PLEKHH2: variants seen among roughly 807,000 people sequenced by gnomAD.
PLEKHH2 encodes the protein pleckstrin homology, MyTH4 and FERM domain containing H2, also known as pleckstrin homology domain-containing family H member 2.
A neutral mutation model predicts 187.9 loss-of-function variants in PLEKHH2; 129 were observed. The ratio of observed to expected loss-of-function variants is 0.69; its 90% CI spans 0.59 to 0.79. The LOEUF is 0.79. Among genes scored for constraint, PLEKHH2 ranks in the 30% least tolerant of loss-of-function variants. PLEKHH2 has a pLI of 0.00. For synonymous variants in PLEKHH2, 686 were observed against 605.6 expected, an observed-to-expected ratio of 1.13 and a Z score of -1.95; for missense variants, 2,076 against 1,751.2, an observed-to-expected ratio of 1.19 and a Z score of -3.31.
chr2:43,711,750 G>A (rs533493320), intron 14 of PLEKHH2: 9 of 393,360 alleles, frequency 2.3e-5, no homozygotes, highest in Non-Finnish European at 2.8e-5. Flanking sequence ...AAAATTATCC[G>A]GGCATGGTGG....
rs766365129 is a variant in PLEKHH2 at position 43,707,463 on chromosome 2, C to T, written c.1884C>T (p.Asp628=). Reference sequence around the variant, plus strand: ...ACTCATCTGGGTCAGAGGAAGAAGACAGCTCCAGATCCAGCTCCCGGACGT... The same window carrying T: ...ACTCATCTGGGTCAGAGGAAGAAGATAGCTCCAGATCCAGCTCCCGGACGT... ...LDDSSGSEEE[D]SSRSSSRTSE... is the part of the protein sequence containing the mutation. The change falls in exon 11 of 30, where the codon GAC becomes GAT. Residue 628 remains aspartate, a synonymous_variant. Coordinates refer to ENST00000282406, the MANE Select transcript of PLEKHH2 (RefSeq NM_172069.4). 1.2e-6 allele frequency: 2 copies of T among 1,614,088 alleles called. No individual in the cohort carries two copies. The highest frequency in any genetic ancestry group is 1.6e-4 in the Middle Eastern group (1 of 6,062).
chr2:43,702,527 C>CTTTTTTTTTTTTTTTTTTTTTT (rs1167078689), intron 8 of PLEKHH2, among the ~76,000 whole-genome samples: 23 of 57,400 alleles, frequency 4.0e-4, no homozygotes, highest in Middle Eastern at 0.017. Flanking sequence ...CATTCTACTA[C>CTTTTTTTTTTTTTTTTTTTTTT]TTTTTTTTTT....
chr2:43,687,076 G>A (rs1361998524), intron 3 of PLEKHH2, among the ~76,000 whole-genome samples: 4 of 152,140 alleles, frequency 2.6e-5, no homozygotes, highest in East Asian at 1.9e-4. Flanking sequence ...TGAGGTTTGG[G>A]ATATGGATGA....
At chr2:43,668,565 A>G (rs1667336151) in intron 2 of PLEKHH2, among the ~76,000 whole-genome samples, 1 of 152,238 alleles carries the variant, frequency 6.6e-6, no homozygotes, top group African/African-American at 2.4e-5. Context: ...AGTTTAAACA[A>G]CATTGCAAAT....
intron 2 of PLEKHH2, among the ~76,000 whole-genome samples, chr2:43,656,472 A>G (rs574499628): frequency 4.1e-4 from 63 of 152,098 alleles, no homozygotes; most frequent in African/African-American, 1.4e-3. Context: ...AGATATTCCT[A>G]GAAGCTGCAT....
chr2:43,679,011 G>A (rs1668023723), intron 3 of PLEKHH2, 86 bp downstream of exon 3: 2 of 840,100 alleles, frequency 2.4e-6, no homozygotes, highest in African/African-American at 3.4e-5. Flanking sequence ...ACAATTATCA[G>A]CCCACCTCTA....
chr2:43,729,228 G>C (rs1468178843), intron 17 of PLEKHH2, among the ~76,000 whole-genome samples: 3 of 152,052 alleles, frequency 2.0e-5, no homozygotes, highest in Non-Finnish European at 4.4e-5. Context: ...TTGGTGAATG[G>C]GATAAGACGG....
intron 1 of PLEKHH2, among the ~76,000 whole-genome samples, chr2:43,640,721 T>A (rs1195138946): frequency 6.6e-6 from 1 of 152,156 alleles, no homozygotes; most frequent in Non-Finnish European, 1.5e-5. Flanking sequence ...CATTTGTATA[T>A]CTTCTTTGGA....
intron 2 of PLEKHH2, among the ~76,000 whole-genome samples, chr2:43,666,816 G>A (rs887933760): frequency 3.9e-5 from 6 of 151,998 alleles, no homozygotes; most frequent in South Asian, 2.1e-4. Flanking sequence ...TTGTATTCTT[G>A]AATTGTAAAA....
chr2:43,649,143 G>A (rs1666346839), intron 2 of PLEKHH2, among the ~76,000 whole-genome samples: 1 of 152,174 alleles, frequency 6.6e-6, no homozygotes, highest in South Asian at 2.1e-4. Flanking sequence ...AAGTGCTGCT[G>A]TAAGTGGGAG....
chr2:43,728,621 G>T (rs1670892358), intron 17 of PLEKHH2, among the ~76,000 whole-genome samples: 1 of 148,670 alleles, frequency 6.7e-6, no homozygotes, highest in East Asian at 2.0e-4. Context: ...GAGTGCAGTG[G>T]CGTGATCTCG....
chr2:43,668,090 T>C (rs1266195388), intron 2 of PLEKHH2, among the ~76,000 whole-genome samples: 1 of 152,174 alleles, frequency 6.6e-6, no homozygotes, highest in Non-Finnish European at 1.5e-5. Flanking sequence ...TGGAATGCAG[T>C]GGTATGATCT....
intron 3 of PLEKHH2, chr2:43,681,413 T>C: frequency 1.9e-6 from 3 of 1,548,350 alleles, no homozygotes; most frequent in Non-Finnish European, 2.6e-6. Context: ...CTTTCCTTTG[T>C]TTTATTAATT....
At chr2:43,753,335 A>G (rs182781783) in intron 24 of PLEKHH2, among the ~76,000 whole-genome samples, 4 of 152,354 alleles carry the variant, frequency 2.6e-5, no homozygotes, top group Admixed American at 2.6e-4. Context: ...TTTATCAACT[A>G]TGACAATCTC....
intron 2 of PLEKHH2, chr2:43,675,725 C>G (rs374217822): frequency 8.7e-6 from 14 of 1,613,856 alleles, no homozygotes; most frequent in South Asian, 3.3e-5. Flanking sequence ...TCAGAGTTAT[C>G]GAGAAGTCTG....
At chr2:43,737,897 C>T (rs901189787) in intron 19 of PLEKHH2, among the ~76,000 whole-genome samples, 1 of 152,092 alleles carries the variant, frequency 6.6e-6, no homozygotes, top group Non-Finnish European at 1.5e-5. Flanking sequence ...TTGGCCACCA[C>T]ACTTCACATG....
intron 21 of PLEKHH2, among the ~76,000 whole-genome samples, chr2:43,741,567 C>A (rs562214693): frequency 1.3e-5 from 2 of 152,322 alleles, no homozygotes; most frequent in African/African-American, 2.4e-5. Flanking sequence ...TATCCAGGGT[C>A]ATTTTGTCCA....
At chr2:43,754,024 A>T (rs1672105592) in intron 25 of PLEKHH2, among the ~76,000 whole-genome samples, 1 of 152,118 alleles carries the variant, frequency 6.6e-6, no homozygotes, top group Admixed American at 6.6e-5. Flanking sequence ...GTATTTAATA[A>T]AGGAATTGGA....
intron 3 of PLEKHH2, chr2:43,681,168 C>T (rs955798513): frequency 1.4e-6 from 1 of 702,518 alleles, no homozygotes; most frequent in South Asian, 1.7e-5. Context: ...CTCAGAACAT[C>T]CTTTTGGTCC....
Sources: gnomAD v4.1 joint callset for allele counts (sites outside exome capture counted in the v4.1 genomes callset) on GRCh38, gnomAD v4.1.1 for gene constraint, MANE v1.5 for transcripts, NCBI Gene and HGNC (gene_info 2026-07-23, HGNC 2026-07-21) for gene names.